The following ANKRD28 variants were observed in gnomAD, a reference collection of about 807,000 sequenced individuals.
The protein encoded by ANKRD28 is serine/threonine-protein phosphatase 6 regulatory ankyrin repeat subunit A.
ANKRD28 carries 44 observed loss-of-function variants against 126.5 expected under a neutral mutation model. That is an observed-to-expected ratio of 0.35 (90% CI 0.27 to 0.45). The LOEUF is 0.45. Ranked by LOEUF, ANKRD28 falls within the 20% of genes least tolerant of loss-of-function variation. The pLI is 1.00. For synonymous variants in ANKRD28, 442 were observed against 468.5 expected, an observed-to-expected ratio of 0.94 and a Z score of 0.73; for missense variants, 1,110 against 1,316.6, an observed-to-expected ratio of 0.84 and a Z score of 2.43.
intron 15 of ANKRD28, among the ~76,000 whole-genome samples, chr3:15,695,910 G>A (rs2069475588): frequency 6.6e-6 from 1 of 152,020 alleles, no homozygotes; most frequent in Non-Finnish European, 1.5e-5. Context: ...TGAACATGGG[G>A]TAATCAGTAG....
At position 15,815,517 on chromosome 3, in the gene ANKRD28, C is replaced by T. The variant is rs1213776104; in HGVS notation, c.28-20211G>A. On this transcript the variant is annotated intron_variant, in intron 1 of 27. Coordinates refer to the ANKRD28 transcript ENST00000399451. This position sits in a 1 kb window ranked among gnomAD's most constrained non-coding sequence, Gnocchi z 4.1. Reference sequence around the variant, plus strand: ...CTCATTATGTTGCCTAGGCTGGTCTCAAACTCCTGGGCTCAAGCGATCCTC... The same window carrying T: ...CTCATTATGTTGCCTAGGCTGGTCTTAAACTCCTGGGCTCAAGCGATCCTC... Among the ~76,000 whole-genome samples, 1 of 152,078 alleles carries T rather than the reference C, an allele frequency of 6.6e-6. No individual in the cohort carries two copies. Among genetic ancestry groups the T allele is most frequent in the African/African-American group, 2.4e-5 (1 of 41,414 alleles).
chr3:15,728,555 A>C (rs1055355347), intron 6 of ANKRD28, among the ~76,000 whole-genome samples: 3 of 152,186 alleles, frequency 2.0e-5, no homozygotes, highest in African/African-American at 7.2e-5. Flanking sequence ...TTGGGCTCCC[A>C]AGATGTTAGG....
At chr3:15,844,267 T>G (rs745579954) in intron 1 of ANKRD28, among the ~76,000 whole-genome samples, 2 of 152,220 alleles carry the variant, frequency 1.3e-5, no homozygotes, top group Admixed American at 6.5e-5. Flanking sequence ...TGTCCCATAC[T>G]TCAGAAAACA....
intron 1 of ANKRD28, among the ~76,000 whole-genome samples, chr3:15,804,923 T>A (rs1377277104): frequency 6.9e-6 from 1 of 145,210 alleles, no homozygotes; most frequent in Non-Finnish European, 1.5e-5. Flanking sequence ...AAGGTTTTTA[T>A]AGACAGGCAG....
At chr3:15,810,616 T>C (rs1031374856) in intron 1 of ANKRD28, among the ~76,000 whole-genome samples, 1 of 151,742 alleles carries the variant, frequency 6.6e-6, no homozygotes, top group Non-Finnish European at 1.5e-5. Flanking sequence ...TTACGTTAAA[T>C]AGAAGACTTT....
chr3:15,796,236 A>G (rs891850151), intron 1 of ANKRD28, among the ~76,000 whole-genome samples, 169 bp downstream of exon 1: 1 of 152,178 alleles, frequency 6.6e-6, no homozygotes, highest in Admixed American at 6.6e-5. Context: ...AAAAAGTAAA[A>G]ACGAAAAATG....
At chr3:15,807,769 T>G (rs901940930) in intron 1 of ANKRD28, among the ~76,000 whole-genome samples, 1 of 152,184 alleles carries the variant, frequency 6.6e-6, no homozygotes, top group Non-Finnish European at 1.5e-5. Context: ...TTTAAAATAT[T>G]TGAAGTACTG....
At position 15,713,670 on chromosome 3, in the gene ANKRD28, T is replaced by C. The variant is rs187259459; in HGVS notation, c.1076-29A>G. On this transcript the variant is annotated intron_variant, in intron 9 of 27. Transcript: ENST00000683139. Reference sequence around the variant, plus strand: ...CAATATAGGACTTACTGTCAGACACTGGACCATATAAAGATCAGGTCAAAC... The same window carrying C: ...CAATATAGGACTTACTGTCAGACACCGGACCATATAAAGATCAGGTCAAAC... 2.1e-6 allele frequency: 3 copies of C among 1,452,322 alleles called. No individual in the cohort carries two copies. In the Admixed American group the frequency reaches 6.4e-5, roughly 31 times the overall value. 90.0% of individuals were successfully genotyped at this position (1,452,322 alleles called of 1,614,324 possible).
intron 1 of ANKRD28, among the ~76,000 whole-genome samples, chr3:15,840,335 GA>G (rs2061402440): frequency 6.6e-6 from 1 of 152,004 alleles, no homozygotes; most frequent in Admixed American, 6.6e-5. Flanking sequence ...CCAAAGAAAT[GA>G]AAGACCTCTA....
intron 27 of ANKRD28, among the ~76,000 whole-genome samples, chr3:15,671,332 G>T (rs574921447): frequency 2.0e-5 from 3 of 152,156 alleles, no homozygotes; most frequent in Non-Finnish European, 4.4e-5. Context: ...CGGAGCGGGA[G>T]AGAAGTGATA....
At chr3:15,705,672 C>T (rs1349711745) in intron 14 of ANKRD28, among the ~76,000 whole-genome samples, 1 of 152,112 alleles carries the variant, frequency 6.6e-6, no homozygotes, top group Non-Finnish European at 1.5e-5. Context: ...ACTTTATATT[C>T]TTGCAAATAA....
intron 2 of ANKRD28, among the ~76,000 whole-genome samples, chr3:15,773,508 C>T (rs1021467305): frequency 2.0e-5 from 3 of 152,034 alleles, no homozygotes; most frequent in Non-Finnish European, 4.4e-5. Context: ...GCCTGTAATC[C>T]CAGTTACTTG....
chr3:15,707,012 A>G (rs926429172), intron 14 of ANKRD28, among the ~76,000 whole-genome samples: 23 of 152,246 alleles, frequency 1.5e-4, no homozygotes, highest in Non-Finnish European at 2.6e-4. Context: ...TTGAAATTAA[A>G]GAGTTTATAC....
chr3:15,676,704 C>A, intron 26 of ANKRD28: 1 of 302,122 alleles, frequency 3.3e-6, no homozygotes, highest in Non-Finnish European at 6.2e-6. Flanking sequence ...CAAAATAGTA[C>A]TACTTTCCTT....
chr3:15,844,868 A>G (rs1287121792), intron 1 of ANKRD28, among the ~76,000 whole-genome samples: 6 of 152,222 alleles, frequency 3.9e-5, no homozygotes, highest in Non-Finnish European at 8.8e-5. Context: ...GAAACTGGGT[A>G]ATTTATAAAG....
intron 1 of ANKRD28, among the ~76,000 whole-genome samples, chr3:15,844,513 T>C (rs1016647025): frequency 2.0e-5 from 3 of 151,680 alleles, no homozygotes; most frequent in Non-Finnish European, 2.9e-5. Context: ...AACAAGAAGG[T>C]GAGCAGGTAA....
intron 14 of ANKRD28, among the ~76,000 whole-genome samples, chr3:15,698,060 T>C (rs2069932697): frequency 6.6e-6 from 1 of 152,216 alleles, no homozygotes; most frequent in Non-Finnish European, 1.5e-5. Context: ...TTTGTATTTC[T>C]TTGAGCTCGG....
At chr3:15,796,149 A>G (rs13096622) in intron 1 of ANKRD28, among the ~76,000 whole-genome samples, 70,757 of 152,024 alleles carry the variant, frequency 0.47, 19,418 homozygotes, top group Non-Finnish European at 0.6. Context: ...CATAACTACT[A>G]ATTCTCAAAT....
At position 15,712,134 on chromosome 3, in the gene ANKRD28, A is replaced by G. The variant is rs2455834; in HGVS notation, c.1273+6T>C. 877,317 of 1,563,236 alleles carry G rather than the reference A, an allele frequency of 0.56. 255,553 individuals are homozygous for G. Among genetic ancestry groups the G allele is most frequent in the Admixed American group, 0.61 (32,047 of 52,464 alleles). ...ACATACAAAAGGCTGCAAAGGTTACACTTACCTGAAGAAAGAAGTTTTCTG... is the reference window on the plus strand; with the variant it reads ...ACATACAAAAGGCTGCAAAGGTTACGCTTACCTGAAGAAAGAAGTTTTCTG... On this transcript the variant is annotated splice_donor_region_variant and intron_variant, in intron 11 of 27. Transcript: ENST00000683139.
Sources: allele counts gnomAD v4.1 joint callset (sites outside exome capture counted in the v4.1 genomes callset), GRCh38; gene constraint gnomAD v4.1.1; non-coding constraint Gnocchi (gnomAD v3.1); transcripts MANE v1.5; gene names NCBI Gene and HGNC (gene_info 2026-07-23, HGNC 2026-07-21).